Variants in PCDH15 observed in about 807,000 individuals in gnomAD.
PCDH15 encodes protocadherin related 15.
A neutral mutation model predicts 178.5 loss-of-function variants in PCDH15; 129 were observed. The observed-to-expected ratio is 0.72, with a 90% CI of 0.63 to 0.84. PCDH15 has a LOEUF of 0.84. Ranked by LOEUF, PCDH15 falls within the 40% of genes least tolerant of loss-of-function variation. The pLI is 0.00. For missense variants in PCDH15, 2,230 were observed against 2,099.9 expected, an observed-to-expected ratio of 1.06 and a Z score of -1.21; for synonymous variants, 800 against 732.0, an observed-to-expected ratio of 1.09 and a Z score of -1.50.
intron 13 of PCDH15, among the ~76,000 whole-genome samples, chr10:54,153,873 T>G (rs2044820528): frequency 6.6e-6 from 1 of 152,154 alleles, no homozygotes; most frequent in African/African-American, 2.4e-5. Context: ...GACTGATAAG[T>G]CGTAGAGTAT....
intron 1 of PCDH15, among the ~76,000 whole-genome samples, chr10:54,724,119 G>T: frequency 6.6e-6 from 1 of 151,714 alleles, no homozygotes; most frequent in East Asian, 1.9e-4. Flanking sequence ...CTCATAATAG[G>T]AAAGTAATGG....
At chr10:54,321,720 G>T (rs2061619841) in intron 7 of PCDH15, among the ~76,000 whole-genome samples, 1 of 151,334 alleles carries the variant, frequency 6.6e-6, no homozygotes, top group African/African-American at 2.4e-5. Context: ...GTATTTACAG[G>T]AAGTGTATAC....
At chr10:55,360,925 A>C (rs1037960200) in intron 2 of PCDH15, among the ~76,000 whole-genome samples, 9 of 151,974 alleles carry the variant, frequency 5.9e-5, no homozygotes, top group Non-Finnish European at 1.3e-4. Context: ...CTCAAACTGG[A>C]AACAACCCAA....
intron 2 of PCDH15, among the ~76,000 whole-genome samples, chr10:55,412,788 G>A (rs367781942): frequency 1.3e-5 from 2 of 151,338 alleles, no homozygotes; most frequent in African/African-American, 2.4e-5. Flanking sequence ...TATTGTTTGA[G>A]AAAATTTCAG....
At chr10:55,448,562 T>C (rs982435161) in intron 2 of PCDH15, among the ~76,000 whole-genome samples, 2 of 151,976 alleles carry the variant, frequency 1.3e-5, no homozygotes, top group African/African-American at 4.8e-5. Flanking sequence ...TAAGTAAACA[T>C]TTCAAAGTGT....
At chr10:55,159,348 T>A (rs1838989598) in intron 2 of PCDH15, among the ~76,000 whole-genome samples, 1 of 6,490 alleles carries the variant, frequency 1.5e-4, no homozygotes, top group Non-Finnish European at 4.2e-4. Flanking sequence ...ACCATATCTA[T>A]CTATCTATCT....
At position 55,303,472 on chromosome 10, in the gene PCDH15, G is replaced by A. The variant is rs143635725; in HGVS notation, c.-156+16127C>T. ...ACAGTCCAATTTCCCCTTGGTAATCGGATAAAACACCACAACCACACAGTA... is the reference window on the plus strand; with the variant it reads ...ACAGTCCAATTTCCCCTTGGTAATCAGATAAAACACCACAACCACACAGTA... On this transcript the variant is annotated intron_variant, in intron 1 of 5. Transcript: ENST00000458638. 5.1e-3 allele frequency among the ~76,000 whole-genome samples: 771 copies of A among 152,150 alleles called. 11 individuals carry two copies. Among genetic ancestry groups the A allele is most frequent in the African/African-American group, 0.017 (718 of 41,508 alleles).
chr10:53,872,624 TTAAA>T (rs1818901931), intron 26 of PCDH15, among the ~76,000 whole-genome samples: 1 of 152,168 alleles, frequency 6.6e-6, no homozygotes, highest in African/African-American at 2.4e-5. Context: ...CGCAGAGAAA[TTAAA>T]TAATCAGTCA....
chr10:55,370,800 T>C (rs1047034599), intron 2 of PCDH15, among the ~76,000 whole-genome samples: 2 of 152,138 alleles, frequency 1.3e-5, no homozygotes, highest in African/African-American at 2.4e-5. Flanking sequence ...GTTCACACTA[T>C]CCCTAACATA....
intron 23 of PCDH15, among the ~76,000 whole-genome samples, chr10:53,947,894 C>A (rs540089705): frequency 4.6e-5 from 7 of 152,214 alleles, no homozygotes; most frequent in African/African-American, 1.7e-4. Context: ...GCAAAAACTG[C>A]AATCTAAGGT....
At chr10:54,553,049 A>G (rs1218458678) in intron 2 of PCDH15, among the ~76,000 whole-genome samples, 1 of 152,150 alleles carries the variant, frequency 6.6e-6, no homozygotes, top group Non-Finnish European at 1.5e-5. Flanking sequence ...AAAGATCTGC[A>G]TTACACAACT....
intron 1 of PCDH15, among the ~76,000 whole-genome samples, chr10:55,298,946 A>G (rs1387010464): frequency 6.6e-6 from 1 of 152,182 alleles, no homozygotes; most frequent in East Asian, 1.9e-4. Flanking sequence ...TCTCATAAGT[A>G]TTAGCTTCAA....
At chr10:55,423,977 G>A (rs1005743898) in intron 2 of PCDH15, among the ~76,000 whole-genome samples, 23 of 152,016 alleles carry the variant, frequency 1.5e-4, no homozygotes, top group Admixed American at 9.8e-4. Flanking sequence ...TAATAATTCT[G>A]ATGTGTTGAC....
chr10:55,133,225 T>C (rs948319277), intron 2 of PCDH15, among the ~76,000 whole-genome samples: 8 of 152,188 alleles, frequency 5.3e-5, no homozygotes, highest in Admixed American at 5.2e-4. Flanking sequence ...AAGGTCACTA[T>C]TGGTGTCAAG....
chr10:53,859,791 A>T (rs2078984251), intron 27 of PCDH15, among the ~76,000 whole-genome samples: 1 of 152,156 alleles, frequency 6.6e-6, no homozygotes, highest in Non-Finnish European at 1.5e-5. Context: ...CACTTTACAA[A>T]TATGATATAT....
intron 1 of PCDH15, among the ~76,000 whole-genome samples, chr10:55,235,678 G>A (rs1050644660): frequency 1.3e-5 from 2 of 151,910 alleles, no homozygotes; most frequent in Admixed American, 6.5e-5. Context: ...AGGCCGAGGT[G>A]GGTGGATCAC....
intron 3 of PCDH15, among the ~76,000 whole-genome samples, chr10:54,500,308 G>C (rs888686689): frequency 6.6e-6 from 1 of 151,894 alleles, no homozygotes; most frequent in Non-Finnish European, 1.5e-5. Flanking sequence ...GGGGGAGGGA[G>C]GAGGGCAAAG....
At chr10:54,067,213 C>A (rs1015747818) in intron 17 of PCDH15, among the ~76,000 whole-genome samples, 29 of 152,106 alleles carry the variant, frequency 1.9e-4, no homozygotes, top group South Asian at 2.1e-4. Context: ...TGTTTATACA[C>A]ACGTACACTG....
intron 2 of PCDH15, among the ~76,000 whole-genome samples, chr10:55,104,893 C>T (rs113641914): frequency 6.6e-6 from 1 of 152,130 alleles, no homozygotes. Context: ...ACTGTGATAT[C>T]CAGTTTACTG....
Sources: allele counts gnomAD v4.1 joint callset (sites outside exome capture counted in the v4.1 genomes callset), GRCh38; gene constraint gnomAD v4.1.1; transcripts MANE v1.5; gene names NCBI Gene and HGNC (gene_info 2026-07-23, HGNC 2026-07-21).